CRTC1: variants seen among roughly 807,000 people sequenced by gnomAD.
CRTC1 encodes CREB-regulated transcription coactivator 1.
CRTC1 carries 18 observed loss-of-function variants against 66.1 expected under a neutral mutation model. The observed-to-expected ratio is 0.27, with a 90% CI of 0.19 to 0.40. The LOEUF (loss-of-function observed/expected upper bound fraction) is 0.40. Among genes scored for constraint, CRTC1 ranks in the 10% least tolerant of loss-of-function variants. CRTC1 has a pLI of 1.00. For missense variants in CRTC1, 669 were observed against 887.9 expected, an observed-to-expected ratio of 0.75 and a Z score of 3.13; for synonymous variants, 416 against 398.8, an observed-to-expected ratio of 1.04 and a Z score of -0.51.
At chr19:18,765,150 G>A (rs988494002) in intron 8 of CRTC1, among the ~76,000 whole-genome samples, 4 of 152,206 alleles carry the variant, frequency 2.6e-5, no homozygotes, top group East Asian at 1.9e-4. Flanking sequence ...CAGAGATGGG[G>A]ATGTGCTGGT....
intron 1 of CRTC1, among the ~76,000 whole-genome samples, chr19:18,686,248 C>T (rs2052681078): frequency 6.6e-6 from 1 of 152,052 alleles, no homozygotes; most frequent in African/African-American, 2.4e-5. Flanking sequence ...CAAGGTTCAT[C>T]TCTGTAGTAT....
chr19:18,767,985 C>G (rs559095914), intron 9 of CRTC1, among the ~76,000 whole-genome samples: 1 of 152,298 alleles, frequency 6.6e-6, no homozygotes, highest in African/African-American at 2.4e-5. Context: ...TCCAGCTCTG[C>G]GAAGGCCTGA....
chr19:18,740,436 A>G (rs2054086841), intron 1 of CRTC1, among the ~76,000 whole-genome samples: 1 of 152,108 alleles, frequency 6.6e-6, no homozygotes, highest in South Asian at 2.1e-4. Flanking sequence ...GGTCCTGTAG[A>G]CGTGGCTGAC....
In CRTC1 at chr19:18,771,354, G is replaced by C. The variant is rs2054863400; in HGVS notation, c.1321-88G>C. ...TGAGGGGCGGGGGGACCTGCCTGGG[G>C]GCTGATCAGGCTGCTCCCGGGAAGC... On this transcript the variant is annotated intron_variant, in intron 10 of 13. Coordinates refer to ENST00000321949, the MANE Select transcript of CRTC1 (RefSeq NM_015321.3). This position sits in a 1 kb window ranked among gnomAD's most constrained non-coding sequence, Gnocchi z 4.6. The C allele has an allele frequency of 7.0e-6, 8 of 1,146,834 alleles. No homozygotes were observed. The East Asian group carries it at 2.2e-4, about 31-fold the overall frequency. 71.0% of individuals were successfully genotyped at this position (1,146,834 alleles called of 1,614,324 possible). A position where few individuals can be genotyped will look rare whatever the true frequency, so the allele number is the denominator to read the frequency against.
At chr19:18,714,229 A>G (rs995741716) in intron 1 of CRTC1, among the ~76,000 whole-genome samples, 7 of 152,146 alleles carry the variant, frequency 4.6e-5, no homozygotes, top group African/African-American at 1.7e-4. Context: ...CACAGCACAC[A>G]TGCAGCCATG....
intron 10 of CRTC1, among the ~76,000 whole-genome samples, chr19:18,769,289 C>T (rs1189770562): frequency 1.3e-5 from 2 of 152,230 alleles, no homozygotes; most frequent in Non-Finnish European, 2.9e-5. Flanking sequence ...CTGCCTAGGG[C>T]CGGCTCAGGC....
In CRTC1 at chr19:18,742,931, T is replaced by C; in HGVS notation, c.148T>C (p.Tyr50His). ...AARLQLQKSQYLQLGPSRGQY... is the reference protein window; with the variant it reads ...AARLQLQKSQHLQLGPSRGQY... The stretch of plus-strand genomic sequence containing the variant: ...GCAGCTCCAGCTCCAGAAATCCCAG[T>C]ACCTGCAACTGGGCCCCAGCCGAGG... Residue 50 changes from tyrosine (Y) to histidine (H), a missense_variant, in exon 2 of 14, where the codon TAC becomes CAC. Tyr to His is a moderately conservative substitution (Grantham distance 83, BLOSUM62 2). This residue lies in a region of CRTC1 where 214 missense variants were observed against 323.4 expected (regional missense o/e 0.66). Coordinates refer to ENST00000321949, the MANE Select transcript of CRTC1 (RefSeq NM_015321.3). 6.2e-7 allele frequency: 1 copy of C among 1,613,698 alleles called. No homozygotes were observed. The highest frequency in any genetic ancestry group is 8.5e-7 in the Non-Finnish European group (1 of 1,179,890).
intron 3 of CRTC1, among the ~76,000 whole-genome samples, chr19:18,746,477 T>TCCCCCCCCCCCCCCCCACCCAGC (rs1265684155): frequency 2.9e-5 from 4 of 137,076 alleles, no homozygotes; most frequent in East Asian, 2.3e-4. Flanking sequence ...TCAGCCAGAG[T>TCCCCCCCCCCCCCCCCACCCAGC]CCCCCCCTCC....
At chr19:18,775,856 C>G in intron 13 of CRTC1, 35 bp downstream of exon 13, 1 of 1,528,876 alleles carries the variant, frequency 6.5e-7, no homozygotes, top group African/African-American at 1.4e-5. Context: ...TGCGGCGCCC[C>G]AAGGGGCCTC....
chr19:18,758,095 GC>G (rs1247873405), intron 6 of CRTC1, among the ~76,000 whole-genome samples: 5 of 151,698 alleles, frequency 3.3e-5, no homozygotes, highest in African/African-American at 1.2e-4. Flanking sequence ...AGGCACCGTG[GC>G]TCATGCCTGT....
chr19:18,695,805 C>T (rs902401037), intron 1 of CRTC1, among the ~76,000 whole-genome samples: 4 of 152,116 alleles, frequency 2.6e-5, no homozygotes, highest in African/African-American at 4.8e-5. Context: ...GCAGAGCTTG[C>T]GGTGAGCCGA....
rs56040769 is a variant in CRTC1 at position 18,747,129 on chromosome 19, A to AC, written c.443+25dup. The AC allele has an allele frequency of 0.25, 268,331 of 1,080,702 alleles. 3,489 individuals carry two copies. The highest frequency in any genetic ancestry group is 0.27 in the Non-Finnish European group (207,689 of 780,886). The allele number at this position is 1,080,702 out of a possible 1,614,324, so 66.9% of individuals were successfully genotyped here. On this transcript the variant is annotated intron_variant, in intron 4 of 13. Coordinates refer to ENST00000321949, the MANE Select transcript of CRTC1 (RefSeq NM_015321.3). ...AGCTGGAGAAGGTCAGTGGCTGGAC[A>AC]CCCCCCCCCCGCCCCCTTCTTGTTG... is the stretch of plus-strand genomic sequence containing the variant.
At chr19:18,713,377 T>C (rs1446475713) in intron 1 of CRTC1, among the ~76,000 whole-genome samples, 1 of 152,262 alleles carries the variant, frequency 6.6e-6, no homozygotes, top group Non-Finnish European at 1.5e-5. Context: ...GTGTGGACAC[T>C]GTCTTCAGTT....
intron 1 of CRTC1, among the ~76,000 whole-genome samples, chr19:18,720,192 G>A (rs1362403340): frequency 6.6e-6 from 1 of 152,126 alleles, no homozygotes; most frequent in Non-Finnish European, 1.5e-5. Flanking sequence ...TTGAGATGGA[G>A]TCTCACTGTC....
At chr19:18,692,676 T>C (rs988889847) in intron 1 of CRTC1, among the ~76,000 whole-genome samples, 2 of 151,770 alleles carry the variant, frequency 1.3e-5, no homozygotes, top group African/African-American at 2.4e-5. Flanking sequence ...TGGGAGGGCT[T>C]CCTGGACCCT....
intron 1 of CRTC1, among the ~76,000 whole-genome samples, chr19:18,729,504 G>A (rs2053838705): frequency 6.6e-6 from 1 of 151,988 alleles, no homozygotes; most frequent in Admixed American, 6.6e-5. Flanking sequence ...TAGCACTGTG[G>A]GAGGCCGAGT....
In CRTC1 at chr19:18,747,306, TTTCCC is replaced by T. The variant is rs561520561; in HGVS notation, c.443+198_443+202del. 9.2e-5 allele frequency among the ~76,000 whole-genome samples: 14 copies of T among 151,904 alleles called. No individual in the cohort carries two copies. The South Asian group carries it at 2.9e-3, about 32-fold the overall frequency. ...TCCAGCTTTGGGAGGTCTTCTAACATTTCCCTTCCCCCCACTTATGACAAAAAAAA... is the reference window on the plus strand; with the variant it reads ...TCCAGCTTTGGGAGGTCTTCTAACATTTCCCCCCACTTATGACAAAAAAAA... On this transcript the variant is annotated intron_variant, in intron 4 of 13. Coordinates refer to ENST00000321949, the MANE Select transcript of CRTC1 (RefSeq NM_015321.3).
chr19:18,712,377 G>A (rs1030499859), intron 1 of CRTC1, among the ~76,000 whole-genome samples: 8 of 152,060 alleles, frequency 5.3e-5, no homozygotes, highest in Non-Finnish European at 1.2e-4. Flanking sequence ...TCCCACCTCA[G>A]CCTTCCTGGT....
At position 18,781,202 on chromosome 19, in the gene CRTC1, A is replaced by G; in HGVS notation, c.*3820A>G. ...CCCCTGGGCCTGGCCCGTCACCCAC[A>G]TGTGGTGCCCTGGGCCAGGGCGTGC... On this transcript the variant is annotated 3_prime_UTR_variant, in exon 14 of 14. Transcript: ENST00000321949. 4.4e-6 allele frequency: 1 copy of G among 226,178 alleles called. No homozygotes were observed. The highest frequency in any genetic ancestry group is 6.3e-5 in the East Asian group (1 of 15,760). The allele number at this position is 226,178 out of a possible 1,614,324, so 14.0% of individuals were successfully genotyped here.
Sources: gnomAD v4.1 joint callset for allele counts (sites outside exome capture counted in the v4.1 genomes callset) on GRCh38, gnomAD v4.1.1 for gene constraint, gnomAD v4.1.1 regional missense constraint, Gnocchi (gnomAD v3.1) non-coding constraint, MANE v1.5 for transcripts, NCBI Gene and HGNC (gene_info 2026-07-23, HGNC 2026-07-21) for gene names.